The following ASTN2 variants were observed in gnomAD, a reference collection of about 807,000 sequenced individuals.
ASTN2 encodes the protein astrotactin 2.
A neutral mutation model predicts 139.8 loss-of-function variants in ASTN2; 54 were observed. That is an observed-to-expected ratio of 0.39 (90% CI 0.31 to 0.48). The LOEUF (loss-of-function observed/expected upper bound fraction) is 0.48. Among genes scored for constraint, ASTN2 ranks in the 20% least tolerant of loss-of-function variants. The pLI, the probability that ASTN2 is intolerant of heterozygous loss-of-function variation, is 0.95. For missense variants in ASTN2, 1,565 were observed against 1,725.1 expected (o/e 0.91, Z 1.64); for synonymous variants, 756 against 719.5 (o/e 1.05, Z -0.81).
chr9:117,374,861 C>T (rs1830080662), intron 1 of ASTN2, among the ~76,000 whole-genome samples: 1 of 152,188 alleles, frequency 6.6e-6, no homozygotes, highest in Non-Finnish European at 1.5e-5. Flanking sequence ...TGACCAGAAG[C>T]CTGACTATCT....
chr9:116,636,916 A>G (rs1857103004), intron 17 of ASTN2, among the ~76,000 whole-genome samples: 1 of 152,174 alleles, frequency 6.6e-6, no homozygotes, highest in Non-Finnish European at 1.5e-5. Context: ...ATCTTTATAA[A>G]AGGGCTCAAG....
chr9:117,197,931 G>A (rs77540816), intron 3 of ASTN2, among the ~76,000 whole-genome samples: 25,284 of 152,018 alleles, frequency 0.17, 2,319 homozygotes, highest in South Asian at 0.28. Context: ...TGAAAAATTA[G>A]TTGTAAGTCT....
intron 3 of ASTN2, among the ~76,000 whole-genome samples, chr9:117,188,107 A>C (rs1228385627): frequency 2.0e-5 from 3 of 151,860 alleles, no homozygotes; most frequent in Non-Finnish European, 1.5e-5. Flanking sequence ...GACAAAAAAA[A>C]ATGTCTTCAG....
intron 1 of ASTN2, among the ~76,000 whole-genome samples, chr9:117,330,901 A>T (rs111975497): frequency 0.038 from 5,784 of 152,188 alleles, 144 homozygotes; most frequent in South Asian, 0.099. Context: ...TGGAATGAGG[A>T]CACATTGGGT....
At chr9:117,408,636 C>A (rs1831075890) in intron 1 of ASTN2, among the ~76,000 whole-genome samples, 1 of 152,170 alleles carries the variant, frequency 6.6e-6, no homozygotes, top group Admixed American at 6.5e-5. Context: ...AGTAATTTTG[C>A]AGACTGAGGT....
chr9:117,060,641 C>A (rs1839262206), intron 5 of ASTN2, among the ~76,000 whole-genome samples: 1 of 151,760 alleles, frequency 6.6e-6, no homozygotes. Context: ...CACCTGTAAT[C>A]TCAGCACTTT....
chr9:117,243,934 A>G (rs7034060), intron 2 of ASTN2, among the ~76,000 whole-genome samples: 19,115 of 152,030 alleles, frequency 0.13, 1,807 homozygotes, highest in African/African-American at 0.26. Context: ...CATATCTTGA[A>G]TTGTAATCCC....
intron 17 of ASTN2, among the ~76,000 whole-genome samples, chr9:116,634,451 G>A (rs2131873025): frequency 6.6e-6 from 1 of 151,782 alleles, no homozygotes; most frequent in South Asian, 2.1e-4. Flanking sequence ...TTAGCCGGGC[G>A]TGGTAGCGGG....
chr9:116,529,519 T>G (rs2119277934), intron 19 of ASTN2, among the ~76,000 whole-genome samples: 1 of 152,308 alleles, frequency 6.6e-6, no homozygotes, highest in East Asian at 1.9e-4. Flanking sequence ...AATTTGGGGT[T>G]AATGCTGGAA....
chr9:116,530,396 A>G (rs933959016), intron 19 of ASTN2, among the ~76,000 whole-genome samples: 2 of 151,602 alleles, frequency 1.3e-5, no homozygotes, highest in African/African-American at 4.8e-5. Context: ...GTTAGGAAGA[A>G]TAAATTTAAG....
At chr9:116,636,871 G>A (rs1857100774) in intron 17 of ASTN2, among the ~76,000 whole-genome samples, 2 of 152,144 alleles carry the variant, frequency 1.3e-5, no homozygotes, top group Admixed American at 1.3e-4. Context: ...AGGTTATTAA[G>A]TCATGAGGGC....
chr9:116,610,638 AT>A (rs1338433515), intron 19 of ASTN2, among the ~76,000 whole-genome samples: 4 of 152,180 alleles, frequency 2.6e-5, no homozygotes, highest in Non-Finnish European at 5.9e-5. Context: ...ATAGGAAATT[AT>A]AGACTTTAAC....
chr9:117,146,582 G>A (rs961666477), intron 3 of ASTN2, among the ~76,000 whole-genome samples: 1 of 151,830 alleles, frequency 6.6e-6, no homozygotes, highest in South Asian at 2.1e-4. Flanking sequence ...CAGAGAGGCA[G>A]AACACAGAAG....
chr9:116,728,150 C>T (rs1382452549), intron 15 of ASTN2, among the ~76,000 whole-genome samples: 1 of 151,980 alleles, frequency 6.6e-6, no homozygotes, highest in Non-Finnish European at 1.5e-5. Flanking sequence ...TTAAAAATTC[C>T]TCCATCATAC....
chr9:117,018,663 C>T (rs1837786424), intron 6 of ASTN2, among the ~76,000 whole-genome samples: 2 of 152,162 alleles, frequency 1.3e-5, no homozygotes, highest in Non-Finnish European at 2.9e-5. Context: ...GACAGTTCAT[C>T]ATTTGAGTGA....
At chr9:116,737,737 C>T (rs1363345771) in intron 13 of ASTN2, among the ~76,000 whole-genome samples, 1 of 151,728 alleles carries the variant, frequency 6.6e-6, no homozygotes, top group Non-Finnish European at 1.5e-5. Context: ...CTCCTATACT[C>T]AAGGTAGTGT....
intron 1 of ASTN2, among the ~76,000 whole-genome samples, chr9:117,390,114 C>A (rs78828829): frequency 6.6e-6 from 1 of 152,276 alleles, no homozygotes; most frequent in Non-Finnish European, 1.5e-5. Context: ...TGCTTGGGAA[C>A]AACCCTCAGT....
At chr9:117,277,251 T>C (rs868673677) in intron 2 of ASTN2, 1 of 152,206 alleles carries the variant, frequency 6.6e-6, no homozygotes, top group African/African-American at 2.4e-5. Flanking sequence ...TTCTCCACCT[T>C]TGTAAATTCC....
chr9:117,165,469 G>A (rs1830649799), intron 3 of ASTN2, among the ~76,000 whole-genome samples: 1 of 152,076 alleles, frequency 6.6e-6, no homozygotes, highest in African/African-American at 2.4e-5. Context: ...GACCCAGATT[G>A]AAGTGATTCC....
Sources: allele counts gnomAD v4.1 joint callset (sites outside exome capture counted in the v4.1 genomes callset), GRCh38; gene constraint gnomAD v4.1.1; transcripts MANE v1.5; gene names NCBI Gene and HGNC (gene_info 2026-07-23, HGNC 2026-07-21).